Variants in AGBL3 observed in about 807,000 individuals in gnomAD.
AGBL3 encodes the protein AGBL carboxypeptidase 3.
A neutral mutation model predicts 94.5 loss-of-function variants in AGBL3; 68 were observed. That is an observed-to-expected ratio of 0.72 (90% CI 0.59 to 0.88). The LOEUF (loss-of-function observed/expected upper bound fraction) is 0.88. Among genes scored for constraint, AGBL3 ranks in the 40% least tolerant of loss-of-function variants. The pLI is 0.00. For synonymous variants in AGBL3, 354 were observed against 370.7 expected (o/e 0.95, Z 0.52); for missense variants, 934 against 1,103.8 (o/e 0.85, Z 2.18).
At chr7:135,129,957 C>A (rs1324055133) in intron 16 of AGBL3, among the ~76,000 whole-genome samples, 1 of 152,138 alleles carries the variant, frequency 6.6e-6, no homozygotes, top group Non-Finnish European at 1.5e-5. Context: ...GTCCAAAGCT[C>A]TGAATAGTTA....
At chr7:135,024,279 G>C (rs747409964) in intron 5 of AGBL3, among the ~76,000 whole-genome samples, 2 of 152,208 alleles carry the variant, frequency 1.3e-5, no homozygotes, top group Non-Finnish European at 2.9e-5. Context: ...GCTGCTGCAG[G>C]TGTGCTGCAA....
At chr7:135,036,009 A>G (rs1405763718) in intron 7 of AGBL3, among the ~76,000 whole-genome samples, 1 of 152,102 alleles carries the variant, frequency 6.6e-6, no homozygotes, top group Non-Finnish European at 1.5e-5. Flanking sequence ...TTTAGTTTGT[A>G]ATTTCACTGT....
intron 14 of AGBL3, among the ~76,000 whole-genome samples, chr7:135,081,051 T>C (rs562699073): frequency 6.6e-6 from 1 of 151,994 alleles, no homozygotes; most frequent in South Asian, 2.1e-4. Context: ...AAGGGAAGAA[T>C]ACTATTATAA....
intron 7 of AGBL3, among the ~76,000 whole-genome samples, chr7:135,035,464 CAT>C (rs1383616703): frequency 1.3e-5 from 2 of 151,946 alleles, no homozygotes; most frequent in Non-Finnish European, 2.9e-5. Context: ...AAGTCAGTCA[CAT>C]GTGTGTGGAA....
At chr7:134,993,708 A>G in intron 4 of AGBL3, 30 bp downstream of exon 4, 1 of 1,459,714 alleles carries the variant, frequency 6.9e-7, no homozygotes, top group Non-Finnish European at 9.1e-7. Context: ...GGGGATTCAG[A>G]CATTAGCAAA....
At chr7:135,043,084 C>G (rs1817022022) in intron 8 of AGBL3, among the ~76,000 whole-genome samples, 1 of 152,106 alleles carries the variant, frequency 6.6e-6, no homozygotes, top group South Asian at 2.1e-4. Context: ...TGAACATCTC[C>G]AACACTAATC....
intron 11 of AGBL3, among the ~76,000 whole-genome samples, chr7:135,052,332 G>A (rs1283594976): frequency 1.3e-5 from 2 of 152,118 alleles, no homozygotes; most frequent in Admixed American, 6.6e-5. Flanking sequence ...CCTTATTTCT[G>A]TGTAGTACTC....
At chr7:135,074,071 C>T (rs1391896953) in intron 12 of AGBL3, among the ~76,000 whole-genome samples, 1 of 151,932 alleles carries the variant, frequency 6.6e-6, no homozygotes, top group Non-Finnish European at 1.5e-5. Context: ...CTTAAGTATT[C>T]TCATCACGAA....
intron 15 of AGBL3, among the ~76,000 whole-genome samples, chr7:135,100,353 T>C (rs535327583): frequency 6.6e-6 from 1 of 152,152 alleles, no homozygotes; most frequent in Non-Finnish European, 1.5e-5. Context: ...GGAAGTCAAA[T>C]ATAACAGACA....
At chr7:135,057,727 G>A (rs1434487537) in intron 11 of AGBL3, among the ~76,000 whole-genome samples, 9 of 152,178 alleles carry the variant, frequency 5.9e-5, no homozygotes, top group Non-Finnish European at 2.9e-5. Context: ...CAACCAAAAT[G>A]TCCTTCAATA....
intron 8 of AGBL3, among the ~76,000 whole-genome samples, chr7:135,042,230 T>C (rs983165531): frequency 6.6e-6 from 1 of 152,206 alleles, no homozygotes; most frequent in South Asian, 2.1e-4. Flanking sequence ...CAAACATTTA[T>C]AACAACTCTA....
At chr7:135,073,102 TA>T (rs1426247769) in intron 12 of AGBL3, among the ~76,000 whole-genome samples, 1 of 151,934 alleles carries the variant, frequency 6.6e-6, no homozygotes, top group African/African-American at 2.4e-5. Context: ...ATGTGAAATC[TA>T]AAAAAGTGGA....
intron 16 of AGBL3, among the ~76,000 whole-genome samples, chr7:135,125,548 C>T (rs1208303269): frequency 6.6e-6 from 1 of 152,182 alleles, no homozygotes; most frequent in African/African-American, 2.4e-5. Context: ...ATTTATGAAG[C>T]CACCATCATC....
At chr7:135,036,687 G>A (rs1816343300) in intron 7 of AGBL3, among the ~76,000 whole-genome samples, 1 of 152,132 alleles carries the variant, frequency 6.6e-6, no homozygotes, top group Non-Finnish European at 1.5e-5. Context: ...AAAGCTCTGT[G>A]GCCTTGACAA....
intron 15 of AGBL3, chr7:135,094,483 C>T (rs1434803601): frequency 2.2e-6 from 1 of 456,640 alleles, no homozygotes; most frequent in Non-Finnish European, 4.4e-6. Flanking sequence ...GTGAGAAACT[C>T]CTGGTGGCCA....
intron 11 of AGBL3, among the ~76,000 whole-genome samples, chr7:135,050,619 T>A (rs1817786205): frequency 6.6e-6 from 1 of 152,016 alleles, no homozygotes; most frequent in Non-Finnish European, 1.5e-5. Context: ...CCCTTTTATT[T>A]GTTATATCTT....
chr7:135,025,585 A>G (rs1814998977), intron 5 of AGBL3, among the ~76,000 whole-genome samples: 1 of 151,616 alleles, frequency 6.6e-6, no homozygotes, highest in Non-Finnish European at 1.5e-5. Context: ...AAAATCGCAT[A>G]TATTAATACC....
intron 11 of AGBL3, among the ~76,000 whole-genome samples, chr7:135,049,139 G>T (rs563350720): frequency 6.6e-6 from 1 of 151,962 alleles, no homozygotes; most frequent in Non-Finnish European, 1.5e-5. Context: ...GTTGAGGAAA[G>T]GATGTTGAAT....
At chr7:135,086,464 G>A (rs1821343293) in intron 15 of AGBL3, among the ~76,000 whole-genome samples, 2 of 151,900 alleles carry the variant, frequency 1.3e-5, no homozygotes, top group Admixed American at 1.3e-4. Context: ...GTCTTGTATG[G>A]CCTTTACTGT....
Sources: allele counts gnomAD v4.1 joint callset (sites outside exome capture counted in the v4.1 genomes callset), GRCh38; gene constraint gnomAD v4.1.1; transcripts MANE v1.5; gene names NCBI Gene and HGNC (gene_info 2026-07-23, HGNC 2026-07-21).